Variants in CNTN5 observed in about 807,000 individuals in gnomAD.
CNTN5 encodes the protein contactin 5.
CNTN5 carries 77 observed loss-of-function variants against 129.1 expected under a neutral mutation model. That is an observed-to-expected ratio of 0.60 (90% confidence interval 0.50 to 0.72). The LOEUF is 0.72. CNTN5 is among the 30% of genes least tolerant of loss of function. CNTN5 has a pLI of 0.00. For synonymous variants in CNTN5, 509 were observed against 465.6 expected (o/e 1.09, Z -1.20); for missense variants, 1,478 against 1,328.8 (o/e 1.11, Z -1.75).
chr11:99,257,960 A>G (rs918149201), intron 1 of CNTN5, among the ~76,000 whole-genome samples: 1 of 152,024 alleles, frequency 6.6e-6, no homozygotes, highest in Non-Finnish European at 1.5e-5. Context: ...TGACTCACCA[A>G]AGGTCCCACA....
chr11:99,622,709 C>G (rs550546072), intron 3 of CNTN5, among the ~76,000 whole-genome samples: 1 of 152,120 alleles, frequency 6.6e-6, no homozygotes, highest in African/African-American at 2.4e-5. Context: ...AATTTGGGAA[C>G]AGGTGTTATA....
At chr11:100,296,834 T>G (rs372115543) in intron 18 of CNTN5, among the ~76,000 whole-genome samples, 4 of 151,664 alleles carry the variant, frequency 2.6e-5, no homozygotes, top group African/African-American at 4.8e-5. Context: ...CAATATCGTT[T>G]AAAAATGATA....
At chr11:99,633,029 A>G (rs924758149) in intron 3 of CNTN5, among the ~76,000 whole-genome samples, 8 of 152,112 alleles carry the variant, frequency 5.3e-5, no homozygotes, top group African/African-American at 1.7e-4. Context: ...TTAGTTCACA[A>G]TTTTTAGGCA....
chr11:99,309,347 G>C (rs1865009020), intron 1 of CNTN5, among the ~76,000 whole-genome samples: 1 of 151,990 alleles, frequency 6.6e-6, no homozygotes, highest in Non-Finnish European at 1.5e-5. Flanking sequence ...ATGCTGAAGA[G>C]TCCCACTGTT....
intron 13 of CNTN5, among the ~76,000 whole-genome samples, chr11:100,135,243 T>G (rs1946488306): frequency 6.7e-6 from 1 of 149,934 alleles, no homozygotes; most frequent in Non-Finnish European, 1.5e-5. Context: ...TGGCATGATC[T>G]CAGCTCACTG....
At chr11:100,073,704 T>C (rs1023819679) in intron 12 of CNTN5, among the ~76,000 whole-genome samples, 1 of 151,992 alleles carries the variant, frequency 6.6e-6, no homozygotes, top group African/African-American at 2.4e-5. Context: ...TAATGTTTTA[T>C]AATATTAAAG....
At chr11:100,001,635 G>A (rs376395841) in intron 8 of CNTN5, among the ~76,000 whole-genome samples, 76 of 152,244 alleles carry the variant, frequency 5.0e-4, no homozygotes, top group Admixed American at 1.6e-3. Context: ...GCAAAATGCC[G>A]TGCATATTAT....
intron 1 of CNTN5, among the ~76,000 whole-genome samples, chr11:99,096,722 G>A (rs1471125635): frequency 6.6e-6 from 1 of 151,638 alleles, no homozygotes; most frequent in African/African-American, 2.4e-5. Context: ...TTGCACAAAA[G>A]CATTCCAATT....
intron 3 of CNTN5, among the ~76,000 whole-genome samples, chr11:99,778,771 A>G (rs1401096099): frequency 2.0e-5 from 3 of 151,934 alleles, no homozygotes; most frequent in Non-Finnish European, 4.4e-5. Flanking sequence ...TTGGTAAGAA[A>G]TAAAAAGTGA....
intron 13 of CNTN5, among the ~76,000 whole-genome samples, chr11:100,154,153 T>G (rs957983517): frequency 2.0e-5 from 3 of 152,094 alleles, no homozygotes; most frequent in Non-Finnish European, 4.4e-5. Flanking sequence ...CCCCACTTTG[T>G]GTCCATGTGT....
intron 1 of CNTN5, among the ~76,000 whole-genome samples, chr11:99,096,916 T>A (rs1283853942): frequency 6.6e-6 from 1 of 151,904 alleles, no homozygotes; most frequent in Admixed American, 6.6e-5. Flanking sequence ...TGCAAAAGCA[T>A]TGTAGTTCTC....
At chr11:99,222,766 G>T (rs756344988) in intron 1 of CNTN5, among the ~76,000 whole-genome samples, 2 of 152,068 alleles carry the variant, frequency 1.3e-5, no homozygotes, top group African/African-American at 4.8e-5. Flanking sequence ...TTACTTCTGT[G>T]TTTCAAGTCA....
At chr11:100,083,436 G>A (rs562200312) in intron 13 of CNTN5, among the ~76,000 whole-genome samples, 11 of 152,100 alleles carry the variant, frequency 7.2e-5, no homozygotes, top group Middle Eastern at 3.4e-3. Context: ...CATTCACAAG[G>A]GATCTGCATC....
At chr11:99,891,741 T>C (rs1949065526) in intron 6 of CNTN5, among the ~76,000 whole-genome samples, 1 of 152,120 alleles carries the variant, frequency 6.6e-6, no homozygotes, top group East Asian at 1.9e-4. Flanking sequence ...TGATGGGCAT[T>C]TGGGTTGGTT....
intron 2 of CNTN5, among the ~76,000 whole-genome samples, chr11:99,555,763 A>G (rs1948644171): frequency 6.6e-6 from 1 of 151,894 alleles, no homozygotes; most frequent in Non-Finnish European, 1.5e-5. Flanking sequence ...AGACCAAAGG[A>G]GTATATATTA....
intron 2 of CNTN5, among the ~76,000 whole-genome samples, chr11:99,510,311 A>G (rs1225572990): frequency 2.6e-5 from 4 of 152,142 alleles, no homozygotes; most frequent in Non-Finnish European, 5.9e-5. Context: ...GTGTGGGAAA[A>G]AAAGAGACTC....
intron 21 of CNTN5, among the ~76,000 whole-genome samples, chr11:100,316,653 AC>A (rs1186610229): frequency 2.0e-5 from 3 of 152,146 alleles, no homozygotes; most frequent in Non-Finnish European, 2.9e-5. Flanking sequence ...TAAAAATGAA[AC>A]TTTTTTCACT....
At chr11:100,093,837 G>T (rs1186532928) in intron 13 of CNTN5, among the ~76,000 whole-genome samples, 8 of 152,040 alleles carry the variant, frequency 5.3e-5, no homozygotes, top group African/African-American at 1.9e-4. Flanking sequence ...GGATCCCCAT[G>T]ATCTAGAAGT....
chr11:99,923,757 G>GTCTGTCTGTCTA (rs71050033), intron 7 of CNTN5, among the ~76,000 whole-genome samples: 36 of 140,702 alleles, frequency 2.6e-4, no homozygotes, highest in Admixed American at 5.0e-4. Context: ...CTATCTGTCT[G>GTCTGTCTGTCTA]TCTATCTATC....
Sources: allele counts gnomAD v4.1 joint callset (sites outside exome capture counted in the v4.1 genomes callset), GRCh38; gene constraint gnomAD v4.1.1; transcripts MANE v1.5; gene names NCBI Gene and HGNC (gene_info 2026-07-23, HGNC 2026-07-21).